Variants in TPCN2 observed in about 807,000 individuals in gnomAD.
The protein encoded by TPCN2 is two pore channel protein 2.
A neutral mutation model predicts 111.4 loss-of-function variants in TPCN2; 92 were observed. The observed-to-expected ratio is 0.83, with a 90% CI of 0.70 to 0.98. TPCN2 has a LOEUF of 0.98. Among genes scored for constraint, TPCN2 ranks in the 50% least tolerant of loss-of-function variants. TPCN2 has a pLI of 0.00. For synonymous variants in TPCN2, 405 were observed against 414.5 expected, an observed-to-expected ratio of 0.98 and a Z score of 0.28; for missense variants, 995 against 980.1, an observed-to-expected ratio of 1.02 and a Z score of -0.20.
Position 69,072,073 on chromosome 11 carries a change from T to G in TPCN2, c.1061+50T>G, listed in dbSNP as rs1855559872. On this transcript the variant is annotated intron_variant, in intron 11 of 24. Coordinates refer to ENST00000294309, the MANE Select transcript of TPCN2 (RefSeq NM_139075.4). ...TCTCCCTGAGGGTGGGTGCTGTGGC[T>G]GCTGGGCAGGGGCCGGGTGTTCATT... 2.0e-6 allele frequency: 3 copies of G among 1,522,548 alleles called. No homozygotes were observed. In the East Asian group the frequency reaches 6.8e-5, roughly 34 times the overall value. 94.3% of individuals were successfully genotyped at this position (1,522,548 alleles called of 1,614,324 possible).
intron 18 of TPCN2, among the ~76,000 whole-genome samples, chr11:69,082,350 A>T (rs542861600): frequency 1.3e-5 from 2 of 152,252 alleles, no homozygotes; most frequent in East Asian, 3.8e-4. Flanking sequence ...ACAGGCACAC[A>T]TGATCATACA....
chr11:69,086,125 C>T (rs1166658525), intron 22 of TPCN2, among the ~76,000 whole-genome samples, 195 bp downstream of exon 22: 1 of 152,232 alleles, frequency 6.6e-6, no homozygotes, highest in African/African-American at 2.4e-5. Flanking sequence ...TCGTGACTCT[C>T]AGGATGGTGG....
At chr11:69,058,193 G>A (rs1390782093) in intron 5 of TPCN2, among the ~76,000 whole-genome samples, 1 of 152,242 alleles carries the variant, frequency 6.6e-6, no homozygotes, top group Non-Finnish European at 1.5e-5. Context: ...CGAGAATAGA[G>A]CTGGGAGAGG....
chr11:69,079,813 T>G (rs534012589), intron 16 of TPCN2, 21 bp from the exon 17 acceptor site: 192 of 1,612,704 alleles, frequency 1.2e-4, no homozygotes, highest in Non-Finnish European at 1.6e-4. Context: ...AGCGAAGCCT[T>G]CTTTTCTTTT....
intron 17 of TPCN2, among the ~76,000 whole-genome samples, 184 bp downstream of exon 17, chr11:69,080,067 G>T (rs576029111): frequency 1.3e-5 from 2 of 152,326 alleles, no homozygotes; most frequent in South Asian, 4.1e-4. Flanking sequence ...CCCTGCCGTC[G>T]CTCTGGGGGT....
At chr11:69,073,664 C>T (rs1052767370) in intron 13 of TPCN2, among the ~76,000 whole-genome samples, 3 of 152,230 alleles carry the variant, frequency 2.0e-5, no homozygotes, top group Admixed American at 2.0e-4. Context: ...ATCTCACAGT[C>T]CTGGCCGTCA....
chr11:69,078,298 A>G (rs1467338229), intron 13 of TPCN2, among the ~76,000 whole-genome samples, 184 bp from the exon 14 acceptor site: 1 of 152,160 alleles, frequency 6.6e-6, no homozygotes, highest in Non-Finnish European at 1.5e-5. Context: ...AAGACCACTG[A>G]GATGAACACC....
intron 8 of TPCN2, among the ~76,000 whole-genome samples, chr11:69,069,887 T>G (rs1565087437): frequency 6.6e-6 from 1 of 152,050 alleles, no homozygotes; most frequent in Non-Finnish European, 1.5e-5. Context: ...CAGAGGGACA[T>G]CCTTGATAGG....
chr11:69,073,636 A>C (rs1393030023), intron 13 of TPCN2, among the ~76,000 whole-genome samples: 1 of 152,240 alleles, frequency 6.6e-6, no homozygotes, highest in Non-Finnish European at 1.5e-5. Context: ...GGCAGGGCTG[A>C]AGCAGCAGAC....
chr11:69,064,906 CTG>C (rs1472172154), intron 7 of TPCN2, among the ~76,000 whole-genome samples: 2 of 150,850 alleles, frequency 1.3e-5, no homozygotes, highest in African/African-American at 4.9e-5. Context: ...TGTGTAGTGT[CTG>C]TGTGCATGGT....
At position 69,063,226 on chromosome 11, in the gene TPCN2, G is replaced by A. The variant is rs377449284; in HGVS notation, c.653+236G>A. On this transcript the variant is annotated intron_variant, in intron 6 of 24. Transcript: ENST00000294309. The stretch of plus-strand genomic sequence containing the variant: ...AGCTAGGGCCAGGGCTGCAAACACC[G>A]CGGCCCCAGCTCGAAGGCTGCTGAG... Among the ~76,000 whole-genome samples, 38 of 151,812 alleles carry A rather than the reference G, an allele frequency of 2.5e-4. No homozygotes were observed. In the South Asian group the frequency reaches 2.9e-3, roughly 12 times the overall value.
At chr11:69,084,840 C>A (rs1856204104) in intron 19 of TPCN2, 1 of 978,710 alleles carries the variant, frequency 1.0e-6, no homozygotes, top group Non-Finnish European at 1.2e-6. Flanking sequence ...AACTGAGGCC[C>A]AGAAAGGGGA....
Position 69,071,412 on chromosome 11 carries a change from T to C in TPCN2, c.952T>C (p.Tyr318His), listed in dbSNP as rs1160429462. The change falls in exon 10 of 25, where the codon TAC (tyrosine) becomes CAC (histidine). Residue 318 changes from tyrosine to histidine, a missense_variant. Coordinates refer to ENST00000294309, the MANE Select transcript of TPCN2 (RefSeq NM_139075.4). ...TAIIYSQFRG[Y>H]LMKSLQTSLF... ...CATCATCTACAGTCAGTTCCGGGGCTACCTGATGGTGAGCGAGCTCCCCAA... is the reference window on the plus strand; with the variant it reads ...CATCATCTACAGTCAGTTCCGGGGCCACCTGATGGTGAGCGAGCTCCCCAA... The C allele has an allele frequency of 1.2e-6, 2 of 1,613,346 alleles. No homozygotes were observed. Among genetic ancestry groups the C allele is most frequent in the Non-Finnish European group, 8.5e-7 (1 of 1,179,768 alleles).
At chr11:69,084,339 A>G (rs1407042700) in intron 19 of TPCN2, among the ~76,000 whole-genome samples, 1 of 152,204 alleles carries the variant, frequency 6.6e-6, no homozygotes, top group African/African-American at 2.4e-5. Context: ...AAGTAATGAC[A>G]GAAATTTAAG....
intron 13 of TPCN2, 70 bp downstream of exon 13, chr11:69,073,071 G>T: frequency 1.7e-6 from 2 of 1,159,004 alleles, no homozygotes; most frequent in Non-Finnish European, 2.6e-6. Flanking sequence ...TTGATCACCT[G>T]GGGAACTCTT....
chr11:69,067,522 G>A lies in TPCN2; in HGVS notation c.746G>A (p.Arg249Lys). Reference protein sequence around the residue: ...AGGKQDDGQDRERLTYFQNLP... With the variant: ...AGGKQDDGQDKERLTYFQNLP... ...TCTTAGCAGGATGATGGGCAGGACA[G>A]GGAGAGGCTGACCTACTTCCAGAAC... The change falls in exon 8 of 25, where the codon AGG becomes AAG. Residue 249 changes from arginine to lysine, a missense_variant. Arg to Lys is a conservative substitution (Grantham distance 26). Coordinates refer to ENST00000294309, the MANE Select transcript of TPCN2 (RefSeq NM_139075.4). The A allele has an allele frequency of 6.2e-7, 1 of 1,613,804 alleles. No individual in the cohort carries two copies. Among genetic ancestry groups the A allele is most frequent in the Non-Finnish European group, 8.5e-7 (1 of 1,180,000 alleles).
At chr11:69,086,744 C>A in intron 23 of TPCN2, 140 bp downstream of exon 23, 1 of 785,726 alleles carries the variant, frequency 1.3e-6, no homozygotes. Context: ...CTGAGTGAGG[C>A]TGAGCCCCTC....
chr11:69,061,500 T>C (rs1041908622), intron 5 of TPCN2, among the ~76,000 whole-genome samples: 3 of 152,186 alleles, frequency 2.0e-5, no homozygotes, highest in African/African-American at 7.2e-5. Context: ...GTAAACGAGA[T>C]ACTCAAGGGA....
chr11:69,072,989 T>A lies in TPCN2; in HGVS notation c.1218T>A (p.Ser406Arg). 1 of 1,613,594 alleles carries A rather than the reference T, an allele frequency of 6.2e-7. No homozygotes were observed. The highest frequency in any genetic ancestry group is 8.5e-7 in the Non-Finnish European group (1 of 1,179,756). The change falls in exon 13 of 25, where the codon AGT becomes AGA. Residue 406 changes from serine (S) to arginine (R), a missense_variant. Physicochemically the swap from Ser to Arg is moderately radical, Grantham distance 110. Coordinates refer to ENST00000294309, the MANE Select transcript of TPCN2 (RefSeq NM_139075.4). ...AGCTCTTCAACGAGCTTGACAGAAG[T>A]GTGGTTAAAGAGGTAACTGGGGCCA... ...FQKLFNELDR[S>R]VVKEHPPRPE...
Sources: allele counts gnomAD v4.1 joint callset (sites outside exome capture counted in the v4.1 genomes callset), GRCh38; gene constraint gnomAD v4.1.1; transcripts MANE v1.5; gene names NCBI Gene and HGNC (gene_info 2026-07-23, HGNC 2026-07-21).